TTLL5: variants seen among roughly 807,000 people sequenced by gnomAD.
TTLL5 encodes the protein tubulin tyrosine ligase like 5.
Under a neutral mutation model 168.4 loss-of-function variants are expected in TTLL5, and 132 were observed. That is an observed-to-expected ratio of 0.78 (90% CI 0.68 to 0.91). The LOEUF (loss-of-function observed/expected upper bound fraction) is 0.91. Among genes scored for constraint, TTLL5 ranks in the 40% least tolerant of loss-of-function variants. TTLL5 has a pLI of 0.00. For missense variants in TTLL5, 1,545 were observed against 1,581.5 expected (o/e 0.98, Z 0.39); for synonymous variants, 546 against 558.6 (o/e 0.98, Z 0.32).
intron 30 of TTLL5, among the ~76,000 whole-genome samples, chr14:75,899,532 A>G (rs1163898344): frequency 6.6e-6 from 1 of 152,230 alleles, no homozygotes; most frequent in Non-Finnish European, 1.5e-5. Flanking sequence ...AAATTCACTC[A>G]AAAGTTTCCC....
At chr14:75,767,174 A>T (rs1251952163) in intron 20 of TTLL5, among the ~76,000 whole-genome samples, 1 of 152,074 alleles carries the variant, frequency 6.6e-6, no homozygotes, top group Non-Finnish European at 1.5e-5. Context: ...AAAAAAAAAA[A>T]AAAAAAGACA....
rs1566668300 is a variant in TTLL5, at chr14:75,936,485, C to T, written c.3824-17939C>T. ...CGCTTTGTATTTCTCATCACAGCTT[C>T]ATTGACCTCCCTATTTCTTGCATCA... On this transcript the variant is annotated intron_variant, in intron 31 of 31. Coordinates refer to ENST00000298832, the MANE Select transcript of TTLL5 (RefSeq NM_015072.5). Among the ~76,000 whole-genome samples, 3 of 152,342 alleles carry T rather than the reference C, an allele frequency of 2.0e-5. No individual in the cohort carries two copies. In the South Asian group the frequency reaches 6.2e-4, roughly 32 times the overall value.
At chr14:75,717,066 G>C (rs1054466537) in intron 9 of TTLL5, among the ~76,000 whole-genome samples, 2 of 151,888 alleles carry the variant, frequency 1.3e-5, no homozygotes, top group African/African-American at 2.4e-5. Flanking sequence ...ATATAGCTGT[G>C]CTGTCATTTT....
rs753316299 is a variant in TTLL5 at position 75,663,213 on chromosome 14, A to G, written c.64A>G (p.Ile22Val). The change falls in exon 2 of 32, where the codon ATA becomes GTA. Residue 22 changes from isoleucine to valine, a missense_variant. Transcript: ENST00000298832. ...TASSSEDEEV[I>V]SQEDHPCIMW... ...ATCATCCTCAGAGGATGAGGAGGTC[A>G]TAAGTCAAGAGTAAGTAATAGCAAG... is the stretch of plus-strand genomic sequence containing the variant. The G allele has an allele frequency of 3.1e-6, 5 of 1,612,556 alleles. No individual in the cohort carries two copies. Among genetic ancestry groups the G allele is most frequent in the East Asian group, 2.2e-5 (1 of 44,880 alleles).
intron 31 of TTLL5, among the ~76,000 whole-genome samples, chr14:75,914,033 A>AAAAAAAAAAAAAAATATATATATATAT: frequency 5.6e-5 from 4 of 71,086 alleles, no homozygotes; most frequent in Non-Finnish European, 8.3e-5. Flanking sequence ...AAAAAAAAAA[A>AAAAAAAAAAAAAAATATATATATATAT]ATATATATAT....
chr14:75,851,873 A>G (rs1184740577), intron 28 of TTLL5, among the ~76,000 whole-genome samples: 1 of 152,218 alleles, frequency 6.6e-6, no homozygotes, highest in Non-Finnish European at 1.5e-5. Context: ...TCTCAGAAGC[A>G]GTGCTTGTTG....
intron 26 of TTLL5, among the ~76,000 whole-genome samples, chr14:75,789,005 A>T (rs1297113393): frequency 6.6e-6 from 1 of 152,168 alleles, no homozygotes; most frequent in Non-Finnish European, 1.5e-5. Context: ...CATATTCTTC[A>T]TCATGGTACA....
chr14:75,714,454 AATG>A (rs1449472788), intron 9 of TTLL5, among the ~76,000 whole-genome samples: 3 of 152,152 alleles, frequency 2.0e-5, no homozygotes, highest in Middle Eastern at 3.2e-3. Flanking sequence ...ATAGTTGCCA[AATG>A]ATGATTTTTT....
At chr14:75,757,724 A>G (rs757244177) in intron 18 of TTLL5, 5 of 929,070 alleles carry the variant, frequency 5.4e-6, no homozygotes, top group Admixed American at 5.4e-5. Flanking sequence ...GCCTAATGTC[A>G]TGTTGAATTT....
chr14:75,872,232 C>T (rs2031095225), intron 29 of TTLL5, among the ~76,000 whole-genome samples: 1 of 152,198 alleles, frequency 6.6e-6, no homozygotes, highest in Admixed American at 6.5e-5. Context: ...CTTTCCTTCT[C>T]AAGAAAGAGA....
At chr14:75,836,046 G>T (rs1340026787) in intron 28 of TTLL5, among the ~76,000 whole-genome samples, 1 of 152,142 alleles carries the variant, frequency 6.6e-6, no homozygotes, top group Non-Finnish European at 1.5e-5. Context: ...CTAGGTATCT[G>T]CCCAGAAGAA....
At chr14:75,910,846 C>T (rs1172876012) in intron 31 of TTLL5, among the ~76,000 whole-genome samples, 1 of 152,160 alleles carries the variant, frequency 6.6e-6, no homozygotes, top group Non-Finnish European at 1.5e-5. Context: ...CTCTTAAGTC[C>T]TCAAAATGAA....
At chr14:75,879,844 C>T (rs1253160547) in intron 29 of TTLL5, among the ~76,000 whole-genome samples, 2 of 152,186 alleles carry the variant, frequency 1.3e-5, no homozygotes, top group East Asian at 3.8e-4. Flanking sequence ...TAATAGGAAT[C>T]CTATACCCAG....
chr14:75,740,582 G>A (rs1889197849), intron 15 of TTLL5, among the ~76,000 whole-genome samples: 1 of 152,060 alleles, frequency 6.6e-6, no homozygotes, highest in African/African-American at 2.4e-5. Flanking sequence ...CAAATTTCTA[G>A]ATGCTGTTAC....
At chr14:75,759,050 T>C (rs1022313361) in intron 18 of TTLL5, among the ~76,000 whole-genome samples, 3 of 152,104 alleles carry the variant, frequency 2.0e-5, no homozygotes, top group Non-Finnish European at 4.4e-5. Context: ...TAAAGAATGT[T>C]AACAAAATCC....
intron 28 of TTLL5, among the ~76,000 whole-genome samples, chr14:75,831,748 C>A (rs1003659560): frequency 6.6e-6 from 1 of 152,198 alleles, no homozygotes; most frequent in Non-Finnish European, 1.5e-5. Flanking sequence ...TTTGCAGACT[C>A]TCCCTGTGTT....
intron 29 of TTLL5, among the ~76,000 whole-genome samples, chr14:75,875,213 G>A (rs1183904477): frequency 4.0e-4 from 59 of 149,236 alleles, no homozygotes; most frequent in African/African-American, 1.2e-3. Context: ...GATTACAGGC[G>A]TGAGCCACTG....
intron 27 of TTLL5, among the ~76,000 whole-genome samples, chr14:75,815,091 T>G (rs1894311540): frequency 6.6e-6 from 1 of 152,140 alleles, no homozygotes; most frequent in Non-Finnish European, 1.5e-5. Context: ...GTTGCTTGAT[T>G]ATGGGTTAGC....
At chr14:75,933,496 C>T (rs749900128) in intron 31 of TTLL5, among the ~76,000 whole-genome samples, 3 of 152,126 alleles carry the variant, frequency 2.0e-5, no homozygotes, top group Non-Finnish European at 4.4e-5. Context: ...CTCACAGTTC[C>T]CATGGATCAG....
Sources: gnomAD v4.1 joint callset for allele counts (sites outside exome capture counted in the v4.1 genomes callset) on GRCh38, gnomAD v4.1.1 for gene constraint, MANE v1.5 for transcripts, NCBI Gene and HGNC (gene_info 2026-07-23, HGNC 2026-07-21) for gene names.